SLC44A1: variants seen among roughly 807,000 people sequenced by gnomAD.
The protein encoded by SLC44A1 is choline transporter-like protein 1.
SLC44A1 carries 26 observed loss-of-function variants against 79.3 expected under a neutral mutation model. The observed-to-expected ratio is 0.33, with a 90% CI of 0.24 to 0.46. SLC44A1 has a LOEUF of 0.46. Ranked by LOEUF, SLC44A1 falls within the 20% of genes least tolerant of loss-of-function variation. The pLI is 1.00. For synonymous variants in SLC44A1, 263 were observed against 286.2 expected (o/e 0.92, Z 0.82); for missense variants, 688 against 798.1 (o/e 0.86, Z 1.66).
At chr9:105,362,544 T>C (rs969693219) in intron 8 of SLC44A1, among the ~76,000 whole-genome samples, 4 of 152,126 alleles carry the variant, frequency 2.6e-5, no homozygotes, top group African/African-American at 9.7e-5. Context: ...TATGTTTTGG[T>C]TCATAATGAG....
chr9:105,259,576 G>A (rs1829794458), intron 1 of SLC44A1, among the ~76,000 whole-genome samples: 1 of 152,162 alleles, frequency 6.6e-6, no homozygotes, highest in African/African-American at 2.4e-5. Context: ...ATATTTAAGA[G>A]AGTTTTATTC....
chr9:105,322,175 A>C (rs1164564269), intron 3 of SLC44A1, among the ~76,000 whole-genome samples: 1 of 152,242 alleles, frequency 6.6e-6, no homozygotes, highest in East Asian at 1.9e-4. Context: ...GACATAAAGC[A>C]CTAAATTAGC....
intron 3 of SLC44A1, among the ~76,000 whole-genome samples, chr9:105,328,279 G>A (rs1000066418): frequency 5.9e-5 from 9 of 152,312 alleles, no homozygotes; most frequent in South Asian, 2.1e-4. Context: ...GTGTGTGAAC[G>A]AGTGTAAGTC....
At chr9:105,330,285 C>G (rs1053372961) in intron 3 of SLC44A1, among the ~76,000 whole-genome samples, 2 of 152,176 alleles carry the variant, frequency 1.3e-5, no homozygotes, top group Non-Finnish European at 2.9e-5. Flanking sequence ...ACTCACTTTC[C>G]TTTGCATTTA....
At chr9:105,330,947 A>G (rs1361413868) in intron 3 of SLC44A1, among the ~76,000 whole-genome samples, 1 of 152,184 alleles carries the variant, frequency 6.6e-6, no homozygotes, top group Non-Finnish European at 1.5e-5. Flanking sequence ...TTCCCTTTGC[A>G]AATGCATTTC....
intron 4 of SLC44A1, among the ~76,000 whole-genome samples, chr9:105,342,389 GACA>G (rs1827121354): frequency 6.6e-6 from 1 of 152,136 alleles, no homozygotes; most frequent in East Asian, 1.9e-4. Flanking sequence ...AGATCAAAAA[GACA>G]TAGCATATAG....
chr9:105,363,814 G>A (rs1827858231), intron 9 of SLC44A1, among the ~76,000 whole-genome samples: 1 of 152,196 alleles, frequency 6.6e-6, no homozygotes, highest in African/African-American at 2.4e-5. Context: ...CTAGATCAGG[G>A]AAGGCCTGAA....
chr9:105,283,415 G>A (rs1830404234), intron 1 of SLC44A1, among the ~76,000 whole-genome samples: 1 of 152,202 alleles, frequency 6.6e-6, no homozygotes, highest in African/African-American at 2.4e-5. Context: ...CTGTGAAGAG[G>A]CGCTCTGCTA....
chr9:105,295,858 C>T (rs950495226), intron 1 of SLC44A1, among the ~76,000 whole-genome samples: 10 of 152,024 alleles, frequency 6.6e-5, no homozygotes, highest in Admixed American at 4.6e-4. Flanking sequence ...GAAATAGAGA[C>T]GATACCTACA....
chr9:105,432,816 T>C (rs1402393436), intron 15 of SLC44A1, among the ~76,000 whole-genome samples: 3 of 152,174 alleles, frequency 2.0e-5, no homozygotes, highest in Non-Finnish European at 4.4e-5. Flanking sequence ...TATTCCTTTT[T>C]AAGTTGCTAA....
At chr9:105,437,216 A>G (rs1280539526) in intron 15 of SLC44A1, among the ~76,000 whole-genome samples, 1 of 152,158 alleles carries the variant, frequency 6.6e-6, no homozygotes, top group African/African-American at 2.4e-5. Context: ...CCTCTGTTAA[A>G]CATGTATTTT....
intron 3 of SLC44A1, among the ~76,000 whole-genome samples, chr9:105,317,927 A>G (rs192748063): frequency 1.2e-3 from 182 of 152,266 alleles, no homozygotes; most frequent in African/African-American, 4.0e-3. Flanking sequence ...GAGATGCTCT[A>G]AGCCTTTGAT....
intron 14 of SLC44A1, among the ~76,000 whole-genome samples, 166 bp from the exon 15 acceptor site, chr9:105,385,255 AC>A (rs1311712865): frequency 3.3e-5 from 5 of 152,326 alleles, no homozygotes; most frequent in Admixed American, 2.0e-4. Context: ...GTCCATTTCT[AC>A]AAATTTAGCA....
At chr9:105,327,228 G>A (rs749394313) in intron 3 of SLC44A1, among the ~76,000 whole-genome samples, 1 of 152,064 alleles carries the variant, frequency 6.6e-6, no homozygotes, top group African/African-American at 2.4e-5. Context: ...TCTGCACCTT[G>A]CAGCTGGTGA....
At chr9:105,301,560 G>A (rs774388277) in intron 2 of SLC44A1, among the ~76,000 whole-genome samples, 4 of 151,926 alleles carry the variant, frequency 2.6e-5, no homozygotes, top group Admixed American at 6.6e-5. Flanking sequence ...ATTTTTAGAC[G>A]ATTTCTCTCT....
chr9:105,348,666 T>C (rs1484963121), intron 5 of SLC44A1, among the ~76,000 whole-genome samples: 2 of 152,128 alleles, frequency 1.3e-5, no homozygotes, highest in Non-Finnish European at 2.9e-5. Context: ...TTCTGACATA[T>C]TTTAAATTTC....
downstream of SLC44A1, chr9:105,397,428 A>C: frequency 1.1e-6 from 1 of 892,714 alleles, no homozygotes; most frequent in Non-Finnish European, 1.3e-6. Context: ...TTCGTTTCAA[A>C]TTAGGTCAGT....
chr9:105,416,203 A>T (rs768399431), intron 15 of SLC44A1, among the ~76,000 whole-genome samples: 17 of 151,872 alleles, frequency 1.1e-4, no homozygotes, highest in Admixed American at 2.0e-4. Flanking sequence ...AGCCTACTGA[A>T]CTTTTTGACT....
rs1017487955 is a variant in SLC44A1, at chr9:105,393,785, G to A, written c.*4729G>A. Reference sequence around the variant, plus strand: ...TTGTGAAAAACATGTGAGATTGTTCGAGACCTATTAGGCTATTCTTCAGTT... The same window carrying A: ...TTGTGAAAAACATGTGAGATTGTTCAAGACCTATTAGGCTATTCTTCAGTT... On this transcript the variant is annotated 3_prime_UTR_variant, in exon 16 of 16. Coordinates refer to ENST00000374720, the MANE Select transcript of SLC44A1 (RefSeq NM_080546.5). 8.1e-6 allele frequency: 8 copies of A among 985,174 alleles called. No homozygotes were observed. In the African/African-American group the frequency reaches 1.2e-4, roughly 15 times the overall value. 61.0% of individuals were successfully genotyped at this position (985,174 alleles called of 1,614,324 possible). A position where few individuals can be genotyped will look rare whatever the true frequency, so the allele number is the denominator to read the frequency against.
Sources: allele counts gnomAD v4.1 joint callset (sites outside exome capture counted in the v4.1 genomes callset), GRCh38; gene constraint gnomAD v4.1.1; transcripts MANE v1.5; gene names NCBI Gene and HGNC (gene_info 2026-07-23, HGNC 2026-07-21).